The following SLC25A13 variants were observed in gnomAD, a reference collection of about 807,000 sequenced individuals.
The protein encoded by SLC25A13 is solute carrier family 25 member 13, also known as electrogenic aspartate/glutamate antiporter SLC25A13, mitochondrial.
Under a neutral mutation model 85.5 loss-of-function variants are expected in SLC25A13, and 70 were observed. The observed-to-expected ratio is 0.82, with a 90% CI of 0.68 to 1.00. The LOEUF (loss-of-function observed/expected upper bound fraction) is 1.00. SLC25A13 is among the 50% of genes least tolerant of loss of function. The pLI, the probability that SLC25A13 is intolerant of heterozygous loss-of-function variation, is 0.00. For synonymous variants in SLC25A13, 259 were observed against 288.7 expected, an observed-to-expected ratio of 0.90 and a Z score of 1.04; for missense variants, 765 against 819.8, an observed-to-expected ratio of 0.93 and a Z score of 0.82.
intron 2 of SLC25A13, among the ~76,000 whole-genome samples, chr7:96,289,151 T>G (rs1014555580): frequency 6.6e-6 from 1 of 152,228 alleles, no homozygotes; most frequent in Non-Finnish European, 1.5e-5. Context: ...AAACAGGGTC[T>G]GGTGTGGACC....
intron 2 of SLC25A13, chr7:96,283,897 G>A: frequency 7.1e-6 from 1 of 140,366 alleles, no homozygotes; most frequent in African/African-American, 2.6e-5. Flanking sequence ...AATATTTAAA[G>A]CAAATTTTAA....
intron 15 of SLC25A13, among the ~76,000 whole-genome samples, chr7:96,123,704 T>C (rs773266879): frequency 6.6e-6 from 1 of 152,186 alleles, no homozygotes; most frequent in South Asian, 2.1e-4. Flanking sequence ...TTTGGACATC[T>C]TGGTGGACAG....
At position 96,120,324 on chromosome 7, in the gene SLC25A13, C is replaced by T. The variant is rs1412306020; in HGVS notation, c.*867G>A. On this transcript the variant is annotated 3_prime_UTR_variant, in exon 18 of 18. Coordinates refer to ENST00000265631, the MANE Select transcript of SLC25A13 (RefSeq NM_014251.3). The stretch of plus-strand genomic sequence containing the variant: ...CTTATGTCAGAACATATTTGTCTTA[C>T]ATTATTCAAGATAAAGTGGATTTTA... 1 of 453,954 alleles carries T rather than the reference C, an allele frequency of 2.2e-6. No homozygotes were observed. The highest frequency in any genetic ancestry group is 4.4e-6 in the Non-Finnish European group (1 of 226,778). The allele number at this position is 453,954 out of a possible 1,614,324, so 28.1% of individuals were successfully genotyped here. A position where few individuals can be genotyped will look rare whatever the true frequency, so the allele number is the denominator to read the frequency against.
At chr7:96,154,149 A>T (rs1461751132) in intron 13 of SLC25A13, among the ~76,000 whole-genome samples, 2 of 152,198 alleles carry the variant, frequency 1.3e-5, no homozygotes, top group Admixed American at 6.5e-5. Context: ...AGACAGGAAT[A>T]TTCTGAATAA....
chr7:96,222,425 A>G (rs1214412858), intron 4 of SLC25A13, among the ~76,000 whole-genome samples: 2 of 152,140 alleles, frequency 1.3e-5, no homozygotes, highest in East Asian at 1.9e-4. Context: ...CCAGCCAACC[A>G]AACAGTTCTT....
chr7:96,143,164 T>C (rs1792637719), intron 14 of SLC25A13, among the ~76,000 whole-genome samples: 1 of 152,226 alleles, frequency 6.6e-6, no homozygotes, highest in Non-Finnish European at 1.5e-5. Flanking sequence ...GTTCCACTGC[T>C]TCCTAACGAA....
At chr7:96,128,752 T>TACA (rs1554336537) in intron 15 of SLC25A13, among the ~76,000 whole-genome samples, 1 of 139,974 alleles carries the variant, frequency 7.1e-6, no homozygotes, top group African/African-American at 2.6e-5. Flanking sequence ...GAACTTAAAG[T>TACA]ATAATAATAA....
intron 3 of SLC25A13, among the ~76,000 whole-genome samples, chr7:96,243,011 C>A (rs1382391514): frequency 2.6e-5 from 4 of 152,152 alleles, no homozygotes; most frequent in Non-Finnish European, 5.9e-5. Flanking sequence ...GTTGCCCAGG[C>A]TGGAGTGCAA....
At chr7:96,154,254 GA>G (rs572854188) in intron 13 of SLC25A13, among the ~76,000 whole-genome samples, 61 of 150,378 alleles carry the variant, frequency 4.1e-4, no homozygotes, top group Non-Finnish European at 7.2e-4. Context: ...TAGATAAATG[GA>G]AAGATCCAAA....
chr7:96,267,995 A>T (rs1798100502), intron 3 of SLC25A13, among the ~76,000 whole-genome samples: 1 of 152,122 alleles, frequency 6.6e-6, no homozygotes, highest in South Asian at 2.1e-4. Flanking sequence ...TCCACACTGG[A>T]GATGAAAGAC....
At chr7:96,189,211 C>A (rs899257810) in intron 9 of SLC25A13, 83 bp downstream of exon 9, 1 of 1,213,138 alleles carries the variant, frequency 8.2e-7, no homozygotes, top group South Asian at 1.3e-5. Context: ...ATACCAATGC[C>A]GCAAAGGCAA....
chr7:96,306,812 A>C (rs1276767758), intron 1 of SLC25A13: 1 of 1,388,084 alleles, frequency 7.2e-7, no homozygotes, highest in Admixed American at 1.7e-5. Context: ...ACCCCCAGGG[A>C]CTCAGGAGAT....
intron 4 of SLC25A13, among the ~76,000 whole-genome samples, chr7:96,212,916 T>C (rs1795760258): frequency 6.6e-6 from 1 of 152,194 alleles, no homozygotes. Flanking sequence ...CCTAGCAGGA[T>C]TATGTACTCA....
In SLC25A13 at chr7:96,146,837, C is replaced by T. The variant is rs2301648; in HGVS notation, c.1312-141G>A. ...TCAGCCCTTGTCCCATCAATCAAAA[C>T]GGTTAGGGATTACAAGTATGAATCA... On this transcript the variant is annotated intron_variant, in intron 13 of 17. Coordinates refer to ENST00000265631, the MANE Select transcript of SLC25A13 (RefSeq NM_014251.3). 0.39 allele frequency: 403,880 copies of T among 1,034,722 alleles called. 81,170 individuals are homozygous for T. The highest frequency in any genetic ancestry group is 0.55 in the East Asian group (22,826 of 41,278). The allele number at this position is 1,034,722 out of a possible 1,614,324, so 64.1% of individuals were successfully genotyped here. A position where few individuals can be genotyped will look rare whatever the true frequency, so the allele number is the denominator to read the frequency against.
Position 96,291,806 on chromosome 7 carries a change from A to T in SLC25A13, c.69+5092T>A, listed in dbSNP as rs1281008637. On this transcript the variant is annotated intron_variant, in intron 2 of 17. Transcript: ENST00000265631. ...AATTAATAGCCTACCAACCAAAAAA[A>T]GTCCAGGACCAGACAGATTCACAGC... Among the ~76,000 whole-genome samples, 4 of 152,224 alleles carry T rather than the reference A, an allele frequency of 2.6e-5. No individual in the cohort carries two copies. The South Asian group carries it at 8.3e-4, about 31-fold the overall frequency.
chr7:96,132,071 C>A (rs1792058042), intron 14 of SLC25A13, among the ~76,000 whole-genome samples, 190 bp from the exon 15 acceptor site: 1 of 152,122 alleles, frequency 6.6e-6, no homozygotes, highest in East Asian at 1.9e-4. Context: ...GTTTTTAAAA[C>A]AAAAACTAGT....
chr7:96,121,108 A>T lies in SLC25A13; in HGVS notation c.*83T>A. 1 of 1,437,628 alleles carries T rather than the reference A, an allele frequency of 7.0e-7. No homozygotes were observed. The highest frequency in any genetic ancestry group is 9.8e-7 in the Non-Finnish European group (1 of 1,020,684). 89.1% of individuals were successfully genotyped at this position (1,437,628 alleles called of 1,614,324 possible). On this transcript the variant is annotated 3_prime_UTR_variant, in exon 18 of 18. Coordinates refer to ENST00000265631, the MANE Select transcript of SLC25A13 (RefSeq NM_014251.3). The stretch of plus-strand genomic sequence containing the variant: ...TAAACAAGAGATGGACGTAAAAGGG[A>T]TGAAGCATTGCTTCATTCCCAGGAG...
At chr7:96,257,792 T>G (rs1222761603) in intron 3 of SLC25A13, among the ~76,000 whole-genome samples, 3 of 152,246 alleles carry the variant, frequency 2.0e-5, no homozygotes, top group Non-Finnish European at 2.9e-5. Flanking sequence ...ATATCCCTGA[T>G]GAACATTTAT....
intron 5 of SLC25A13, among the ~76,000 whole-genome samples, chr7:96,194,203 G>C (rs1454649231): frequency 1.3e-5 from 2 of 151,796 alleles, no homozygotes; most frequent in Non-Finnish European, 2.9e-5. Flanking sequence ...AGGAGGCTGA[G>C]GTGGATGGAT....
Sources: allele counts gnomAD v4.1 joint callset (sites outside exome capture counted in the v4.1 genomes callset), GRCh38; gene constraint gnomAD v4.1.1; transcripts MANE v1.5; gene names NCBI Gene and HGNC (gene_info 2026-07-23, HGNC 2026-07-21).